The following SMARCA5 variants were observed in gnomAD, a reference collection of about 807,000 sequenced individuals.
SMARCA5 encodes the protein SWI/SNF-related matrix-associated actin-dependent regulator of chromatin subfamily A member 5.
Under a neutral mutation model 140.4 loss-of-function variants are expected in SMARCA5, and 18 were observed. That is an observed-to-expected ratio of 0.13 (90% CI 0.09 to 0.19). The LOEUF (loss-of-function observed/expected upper bound fraction) is 0.19. SMARCA5 is among the 10% of genes least tolerant of loss of function. The probability of loss-of-function intolerance (pLI) is 1.00; values close to 1 mark genes in which losing one functional copy is unlikely to be tolerated. For missense variants in SMARCA5, 606 were observed against 1,276.8 expected (o/e 0.47, Z 8.01); for synonymous variants, 449 against 419.6 (o/e 1.07, Z -0.86).
Position 143,555,239 on chromosome 4 carries a change from C to G in SMARCA5, c.*2055C>G, listed in dbSNP as rs1028753404. 5.8e-6 allele frequency: 5 copies of G among 855,484 alleles called. No individual in the cohort carries two copies. The African/African-American group carries it at 8.2e-5, about 14-fold the overall frequency. The allele number at this position is 855,484 out of a possible 1,614,324, so 53.0% of individuals were successfully genotyped here. On this transcript the variant is annotated 3_prime_UTR_variant, in exon 24 of 24. Transcript: ENST00000283131. The stretch of plus-strand genomic sequence containing the variant: ...AGAGCTTCTGCCTCCAAAGTTTCCT[C>G]CCTTCATGGGTCCAAAATTTGAAGA...
At position 143,556,977 on chromosome 4, in the gene SMARCA5, G is replaced by T. The variant is rs947254304; in HGVS notation, c.*3793G>T. On this transcript the variant is annotated 3_prime_UTR_variant, in exon 24 of 24. Coordinates refer to ENST00000283131, the MANE Select transcript of SMARCA5 (RefSeq NM_003601.4). ...AATAGTTTCTCCACAGGCATAAGAG[G>T]CAAAGCATTGTTTCAGAAGTGGACT... 1 of 152,184 alleles carries T rather than the reference G, an allele frequency of 6.6e-6. No individual in the cohort carries two copies. The allele number at this position is 152,184 out of a possible 1,614,324, so 9.4% of individuals were successfully genotyped here.
Position 143,553,558 on chromosome 4 carries a change from G to GTC in SMARCA5, c.*376_*377dup, listed in dbSNP as rs1737687990. 1 of 169,444 alleles carries GTC rather than the reference G, an allele frequency of 5.9e-6. No homozygotes were observed. The highest frequency in any genetic ancestry group is 1.3e-5 in the Non-Finnish European group (1 of 78,514). The allele number at this position is 169,444 out of a possible 1,614,324, so 10.5% of individuals were successfully genotyped here. A position where few individuals can be genotyped will look rare whatever the true frequency, so the allele number is the denominator to read the frequency against. ...TTGCAAATAACATTTGTCCCTTTCA[G>GTC]TCTTCACCTAGTTGTGTAATTATTT... On this transcript the variant is annotated 3_prime_UTR_variant, in exon 24 of 24. Transcript: ENST00000283131.
intron 14 of SMARCA5, among the ~76,000 whole-genome samples, chr4:143,542,017 C>G (rs903973978): frequency 1.3e-5 from 2 of 152,042 alleles, no homozygotes; most frequent in Non-Finnish European, 1.5e-5. Flanking sequence ...GCCACCACAC[C>G]TGGCTAATTT....
chr4:143,543,500 T>C lies in SMARCA5; in HGVS notation c.1904-9T>C. The C allele has an allele frequency of 6.2e-7, 1 of 1,610,970 alleles. No homozygotes were observed. Among genetic ancestry groups the C allele is most frequent in the Admixed American group, 1.7e-5 (1 of 59,650 alleles). ...TCAGTTAACATTATACAACACAATCTTTTTTCAGGGAGGCTTGTGGATCAG... is the reference window on the plus strand; with the variant it reads ...TCAGTTAACATTATACAACACAATCCTTTTTCAGGGAGGCTTGTGGATCAG... On this transcript the variant is annotated splice_polypyrimidine_tract_variant and intron_variant, in intron 14 of 23. Coordinates refer to ENST00000283131, the MANE Select transcript of SMARCA5 (RefSeq NM_003601.4).
intron 6 of SMARCA5, among the ~76,000 whole-genome samples, chr4:143,527,647 CTT>C (rs1342268573): frequency 6.6e-6 from 1 of 152,112 alleles, no homozygotes; most frequent in Non-Finnish European, 1.5e-5. Context: ...CACTGGTTAA[CTT>C]TGTCAGTTTT....
At position 143,538,661 on chromosome 4, in the gene SMARCA5, A is replaced by T. The variant is rs779337107; in HGVS notation, c.1567A>T (p.Asn523Tyr). Residue 523 changes from asparagine (N) to tyrosine (Y), a missense_variant, in exon 12 of 24, where the codon AAT (asparagine) becomes TAT (tyrosine). Transcript: ENST00000283131. Reference protein sequence around the residue: ...DILEDYCMWRNYEYCRLDGQT... With the variant: ...DILEDYCMWRYYEYCRLDGQT... ...TTTGGAAGATTATTGCATGTGGAGA[A>T]ATTATGAGTACTGCAGGTTGGATGG... The T allele has an allele frequency of 6.2e-7, 1 of 1,613,846 alleles. No individual in the cohort carries two copies. The highest frequency in any genetic ancestry group is 8.5e-7 in the Non-Finnish European group (1 of 1,179,752).
At chr4:143,545,870 C>T (rs1737513617) in intron 18 of SMARCA5, 55 bp from the exon 19 acceptor site, 1 of 1,506,342 alleles carries the variant, frequency 6.6e-7, no homozygotes, top group Admixed American at 2.1e-5. Flanking sequence ...TTAGTTGGTT[C>T]ATCACATGCT....
At position 143,554,984 on chromosome 4, in the gene SMARCA5, CTG is replaced by C. The variant is rs879454895; in HGVS notation, c.*1804_*1805del. On this transcript the variant is annotated 3_prime_UTR_variant, in exon 24 of 24. Transcript: ENST00000283131. ...ATGAACCAGCTAGGCCCTGCCACCA[CTG>C]TGTTTGGCCAAGTTCACAAATCTGT... 11 of 461,382 alleles carry C rather than the reference CTG, an allele frequency of 2.4e-5. No individual in the cohort carries two copies. The highest frequency in any genetic ancestry group is 3.7e-5 in the Non-Finnish European group (9 of 241,948). The allele number at this position is 461,382 out of a possible 1,614,324, so 28.6% of individuals were successfully genotyped here. A position where few individuals can be genotyped will look rare whatever the true frequency, so the allele number is the denominator to read the frequency against.
chr4:143,523,595 G>A (rs191884393), intron 3 of SMARCA5, among the ~76,000 whole-genome samples: 24 of 152,170 alleles, frequency 1.6e-4, no homozygotes, highest in South Asian at 2.1e-4. Context: ...ATGATTAGAA[G>A]CATATATAAC....
chr4:143,533,114 ATGAG>A (rs1737232673), intron 9 of SMARCA5, among the ~76,000 whole-genome samples: 1 of 152,232 alleles, frequency 6.6e-6, no homozygotes, highest in Non-Finnish European at 1.5e-5. Flanking sequence ...TTCTATGAAA[ATGAG>A]TGAACTACTA....
chr4:143,526,176 T>A, intron 5 of SMARCA5, 105 bp from the exon 6 acceptor site: 1 of 925,886 alleles, frequency 1.1e-6, no homozygotes, highest in South Asian at 1.5e-5. Flanking sequence ...TTAACTGTTA[T>A]AAATATGTAG....
At chr4:143,517,199 A>G (rs1372867897) in intron 1 of SMARCA5, among the ~76,000 whole-genome samples, 156 bp from the exon 2 acceptor site, 2 of 152,168 alleles carry the variant, frequency 1.3e-5, no homozygotes, top group Non-Finnish European at 2.9e-5. Flanking sequence ...TCATTTTATC[A>G]GTTTTTCTGT....
At chr4:143,518,808 A>G (rs2149816246) in intron 2 of SMARCA5, among the ~76,000 whole-genome samples, 1 of 152,198 alleles carries the variant, frequency 6.6e-6, no homozygotes, top group East Asian at 1.9e-4. Context: ...TTTAAAGTGA[A>G]TACTACTTTG....
rs2149826912 is a variant in SMARCA5 at position 143,555,195 on chromosome 4, C to CT, written c.*2012dup. 1.4e-6 allele frequency: 1 copy of CT among 740,664 alleles called. No individual in the cohort carries two copies. The highest frequency in any genetic ancestry group is 1.7e-5 in the Admixed American group (1 of 57,260). 45.9% of individuals were successfully genotyped at this position (740,664 alleles called of 1,614,324 possible). ...TATCGTGGTTTGGCAAAGTATTGGC[C>CT]TCTACCACCATAGGGCCCAGAGCTT... On this transcript the variant is annotated 3_prime_UTR_variant, in exon 24 of 24. Coordinates refer to ENST00000283131, the MANE Select transcript of SMARCA5 (RefSeq NM_003601.4).
At chr4:143,546,111 G>C (rs1737519034) in intron 19 of SMARCA5, 64 bp downstream of exon 19, 3 of 1,248,170 alleles carry the variant, frequency 2.4e-6, no homozygotes, top group Non-Finnish European at 3.3e-6. Flanking sequence ...GTTAGGTTAT[G>C]TTGGGGCATA....
Position 143,547,437 on chromosome 4 carries a change from T to C in SMARCA5, c.2706T>C (p.Ala902=). The C allele has an allele frequency of 6.2e-7, 1 of 1,611,182 alleles. No homozygotes were observed. The highest frequency in any genetic ancestry group is 8.5e-7 in the Non-Finnish European group (1 of 1,177,728). Residue 902 remains alanine (A), a synonymous_variant, in exon 21 of 24, where the codon GCT becomes GCC. Coordinates refer to ENST00000283131, the MANE Select transcript of SMARCA5 (RefSeq NM_003601.4). ...NELQDIEKIM[A]QIERGEARIQ... is the part of the protein sequence containing the mutation. ...TCCAGGACATAGAGAAGATTATGGC[T>C]CAGATTGAAAGGGGAGAGGCGAGAA...
At chr4:143,549,440 T>C (rs1239186607) in intron 22 of SMARCA5, among the ~76,000 whole-genome samples, 1 of 152,116 alleles carries the variant, frequency 6.6e-6, no homozygotes, top group Non-Finnish European at 1.5e-5. Context: ...TGTTATACTT[T>C]AAATCTTTTC....
intron 14 of SMARCA5, among the ~76,000 whole-genome samples, chr4:143,541,853 A>G (rs1383671834): frequency 6.6e-6 from 1 of 150,572 alleles, no homozygotes; most frequent in Non-Finnish European, 1.5e-5. Context: ...ATTTTCATCC[A>G]TGAAACACTT....
intron 8 of SMARCA5, among the ~76,000 whole-genome samples, chr4:143,529,223 C>G (rs1005922393): frequency 5.3e-5 from 8 of 152,190 alleles, no homozygotes; most frequent in Non-Finnish European, 1.2e-4. Flanking sequence ...GCACGAGCCA[C>G]CACACCAGGC....
Sources: allele counts gnomAD v4.1 joint callset (sites outside exome capture counted in the v4.1 genomes callset), GRCh38; gene constraint gnomAD v4.1.1; transcripts MANE v1.5; gene names NCBI Gene and HGNC (gene_info 2026-07-23, HGNC 2026-07-21).